Variants in APPL1 observed in about 807,000 individuals in gnomAD.
APPL1 encodes the protein DCC-interacting protein 13-alpha.
Under a neutral mutation model 106.8 loss-of-function variants are expected in APPL1, and 42 were observed. That is an observed-to-expected ratio of 0.39 (90% CI 0.31 to 0.51). The LOEUF (loss-of-function observed/expected upper bound fraction) is 0.51. Among genes scored for constraint, APPL1 ranks in the 20% least tolerant of loss-of-function variants. The probability of loss-of-function intolerance (pLI) is 0.75; values close to 1 mark genes in which losing one functional copy is unlikely to be tolerated. For synonymous variants in APPL1, 263 were observed against 281.8 expected, an observed-to-expected ratio of 0.93 and a Z score of 0.67; for missense variants, 769 against 858.2, an observed-to-expected ratio of 0.90 and a Z score of 1.30.
At chr3:57,258,838 T>C (rs919579910) in intron 15 of APPL1, 190 bp from the exon 16 acceptor site, 1 of 474,130 alleles carries the variant, frequency 2.1e-6, no homozygotes. Flanking sequence ...TGCACCAACA[T>C]TGATCAGTTA....
At chr3:57,261,216 C>A (rs149851286) in intron 19 of APPL1, among the ~76,000 whole-genome samples, 2 of 152,224 alleles carry the variant, frequency 1.3e-5, no homozygotes, top group East Asian at 1.9e-4. Flanking sequence ...TGATATTTGT[C>A]TTTTTGTGCC....
rs1310250178 is a variant in APPL1 at position 57,272,671 on chromosome 3, G to C, written c.*2984G>C. On this transcript the variant is annotated 3_prime_UTR_variant, in exon 22 of 22. Coordinates refer to ENST00000288266, the MANE Select transcript of APPL1 (RefSeq NM_012096.3). ...CTGGAGTGCAGTGGTGTGATCTTGG[G>C]TCACTGCAAACTCCGCCTCCCAGGT... 2.6e-5 allele frequency: 4 copies of C among 152,038 alleles called. No individual in the cohort carries two copies. Among genetic ancestry groups the C allele is most frequent in the Admixed American group, 6.6e-5 (1 of 15,252 alleles). The allele number at this position is 152,038 out of a possible 1,614,324, so 9.4% of individuals were successfully genotyped here.
chr3:57,232,259 GC>G (rs2060690576), intron 1 of APPL1, among the ~76,000 whole-genome samples: 1 of 152,162 alleles, frequency 6.6e-6, no homozygotes, highest in Non-Finnish European at 1.5e-5. Context: ...TTCTGTTTTT[GC>G]ATAATATGAA....
intron 1 of APPL1, among the ~76,000 whole-genome samples, chr3:57,229,308 C>T (rs1191545016): frequency 6.6e-6 from 1 of 151,498 alleles, no homozygotes; most frequent in Non-Finnish European, 1.5e-5. Context: ...GTTGCCTTAC[C>T]TTTCTTCTCT....
At chr3:57,237,987 T>C (rs1579382663) in intron 3 of APPL1, 58 bp from the exon 4 acceptor site, 1 of 1,297,368 alleles carries the variant, frequency 7.7e-7, no homozygotes, top group East Asian at 2.3e-5. Flanking sequence ...ATTATAGTAA[T>C]GTCATTCCCA....
At chr3:57,252,428 CT>C (rs1269291878) in intron 12 of APPL1, 117 bp downstream of exon 12, 1 of 667,304 alleles carries the variant, frequency 1.5e-6, no homozygotes, top group African/African-American at 1.9e-5. Flanking sequence ...AATTAAAAAT[CT>C]TTCTTTTTCT....
At chr3:57,248,428 G>A (rs2060786475) in intron 10 of APPL1, 77 bp downstream of exon 10, 1 of 1,462,234 alleles carries the variant, frequency 6.8e-7, no homozygotes, top group East Asian at 2.3e-5. Flanking sequence ...AATAATTGAT[G>A]TCTGTCATAT....
At chr3:57,252,708 G>C (rs1001578261) in intron 12 of APPL1, among the ~76,000 whole-genome samples, 2 of 152,142 alleles carry the variant, frequency 1.3e-5, no homozygotes, top group Non-Finnish European at 2.9e-5. Context: ...AGCAACTAAA[G>C]CTGAAAACCT....
intron 1 of APPL1, chr3:57,230,861 G>T: frequency 2.6e-6 from 1 of 381,150 alleles, no homozygotes; most frequent in South Asian, 2.0e-5. Context: ...TCAAACTCCT[G>T]GGCACACGCC....
chr3:57,262,495 T>A (rs1249124449), intron 19 of APPL1, among the ~76,000 whole-genome samples: 1 of 76,408 alleles, frequency 1.3e-5, no homozygotes, highest in Non-Finnish European at 2.4e-5. Flanking sequence ...TGGATTAAAG[T>A]GATTTTCCTG....
chr3:57,265,283 G>A (rs905188008), intron 19 of APPL1, among the ~76,000 whole-genome samples: 2 of 151,950 alleles, frequency 1.3e-5, no homozygotes, highest in East Asian at 3.9e-4. Context: ...CAGGTACCTG[G>A]GATTACAGGT....
chr3:57,266,611 T>G (rs1315587086), intron 19 of APPL1, among the ~76,000 whole-genome samples: 2 of 152,222 alleles, frequency 1.3e-5, no homozygotes, highest in Non-Finnish European at 2.9e-5. Flanking sequence ...GTTTTATCTT[T>G]TCAAAGAAAC....
At chr3:57,261,204 T>C (rs1203676313) in intron 19 of APPL1, among the ~76,000 whole-genome samples, 1 of 152,208 alleles carries the variant, frequency 6.6e-6, no homozygotes, top group South Asian at 2.1e-4. Flanking sequence ...AGTGAGAACA[T>C]GTGATATTTG....
intron 15 of APPL1, chr3:57,258,790 G>T: frequency 2.7e-6 from 1 of 367,574 alleles, no homozygotes; most frequent in Non-Finnish European, 4.8e-6. Flanking sequence ...TTTTTGTTGT[G>T]TATGTCTAAA....
chr3:57,238,282 A>T (rs2060726929), intron 4 of APPL1, 166 bp downstream of exon 4: 1 of 524,776 alleles, frequency 1.9e-6, no homozygotes, highest in Non-Finnish European at 3.3e-6. Flanking sequence ...TCTTTACCTG[A>T]TTAAACATTG....
At chr3:57,229,814 A>G (rs1232538310) in intron 1 of APPL1, among the ~76,000 whole-genome samples, 1 of 148,948 alleles carries the variant, frequency 6.7e-6, no homozygotes, top group Non-Finnish European at 1.5e-5. Flanking sequence ...CCCGGGTTCA[A>G]GTGATTCTCA....
rs555359130 is a variant in APPL1 at position 57,231,899 on chromosome 3, G to A, written c.55-3667G>A. ...TTTAGTTTTGATTTATAGTAACTACGTATTAAATTAGGGAGAATTTGCAAG... is the reference window on the plus strand; with the variant it reads ...TTTAGTTTTGATTTATAGTAACTACATATTAAATTAGGGAGAATTTGCAAG... On this transcript the variant is annotated intron_variant, in intron 1 of 21. Coordinates refer to ENST00000288266, the MANE Select transcript of APPL1 (RefSeq NM_012096.3). Among the ~76,000 whole-genome samples, 9 of 151,688 alleles carry A rather than the reference G, an allele frequency of 5.9e-5. No individual in the cohort carries two copies. In the South Asian group the frequency reaches 6.2e-4, roughly 11 times the overall value.
At chr3:57,235,742 G>C in intron 2 of APPL1, 78 bp downstream of exon 2, 1 of 984,158 alleles carries the variant, frequency 1.0e-6, no homozygotes, top group Non-Finnish European at 1.6e-6. Flanking sequence ...TGTCTGTCTT[G>C]TTTACCACTG....
At chr3:57,256,836 A>T (rs77655858) in intron 13 of APPL1, 121 bp from the exon 14 acceptor site, 1 of 736,778 alleles carries the variant, frequency 1.4e-6, no homozygotes, top group Non-Finnish European at 2.3e-6. Context: ...GTACTACTTT[A>T]GTAGCTCTAA....
Sources: gnomAD v4.1 joint callset for allele counts (sites outside exome capture counted in the v4.1 genomes callset) on GRCh38, gnomAD v4.1.1 for gene constraint, MANE v1.5 for transcripts, NCBI Gene and HGNC (gene_info 2026-07-23, HGNC 2026-07-21) for gene names.